GULP1: variants seen among roughly 807,000 people sequenced by gnomAD.
GULP1 encodes GULP PTB domain containing engulfment adaptor 1.
GULP1 carries 19 observed loss-of-function variants against 40.9 expected under a neutral mutation model. The observed-to-expected ratio is 0.46, with a 90% CI of 0.32 to 0.68. The LOEUF (loss-of-function observed/expected upper bound fraction) is 0.68. Ranked by LOEUF, GULP1 falls within the 30% of genes least tolerant of loss-of-function variation. GULP1 has a pLI of 0.03. For synonymous variants in GULP1, 119 were observed against 117.6 expected (o/e 1.01, Z -0.08); for missense variants, 312 against 362.2 (o/e 0.86, Z 1.12).
intron 2 of GULP1, among the ~76,000 whole-genome samples, chr2:188,390,800 G>A (rs1050365909): frequency 6.6e-6 from 1 of 151,906 alleles, no homozygotes; most frequent in Non-Finnish European, 1.5e-5. Flanking sequence ...AAAATAAGAT[G>A]AGAGATAGGG....
chr2:188,299,776 G>A (rs755384739), intron 1 of GULP1, among the ~76,000 whole-genome samples: 10 of 152,196 alleles, frequency 6.6e-5, no homozygotes, highest in Non-Finnish European at 1.2e-4. Context: ...GTGAAGGGAA[G>A]CAGTGTATGG....
intron 6 of GULP1, among the ~76,000 whole-genome samples, chr2:188,535,545 C>T (rs1438104595): frequency 6.6e-6 from 1 of 152,060 alleles, no homozygotes; most frequent in Non-Finnish European, 1.5e-5. Context: ...GCATGGTATT[C>T]TGTGGTACAT....
intron 2 of GULP1, among the ~76,000 whole-genome samples, chr2:188,412,971 C>G (rs72909590): frequency 0.012 from 1,859 of 152,010 alleles, 15 homozygotes; most frequent in East Asian, 0.022. Context: ...AAATAACTTA[C>G]CAAATCTATT....
chr2:188,429,179 T>C (rs755974618), intron 2 of GULP1, among the ~76,000 whole-genome samples: 2 of 152,136 alleles, frequency 1.3e-5, no homozygotes, highest in Non-Finnish European at 2.9e-5. Context: ...TTGAATTTGG[T>C]GTCAGATACC....
At chr2:188,444,090 C>T (rs1354944968) in intron 2 of GULP1, among the ~76,000 whole-genome samples, 2 of 152,108 alleles carry the variant, frequency 1.3e-5, no homozygotes, top group Non-Finnish European at 2.9e-5. Flanking sequence ...ACCTGCATCC[C>T]AGACTATTAC....
At chr2:188,375,809 A>T (rs1490261784) in intron 1 of GULP1, among the ~76,000 whole-genome samples, 2 of 152,146 alleles carry the variant, frequency 1.3e-5, no homozygotes, top group Admixed American at 6.5e-5. Flanking sequence ...AATATTTGGA[A>T]AAAATTCTGT....
chr2:188,433,775 C>A (rs1464807243), intron 2 of GULP1, among the ~76,000 whole-genome samples: 4 of 152,072 alleles, frequency 2.6e-5, no homozygotes, highest in African/African-American at 9.7e-5. Flanking sequence ...ATATGCATGA[C>A]CATGGCTTGT....
In GULP1 at chr2:188,448,450, C is replaced by T. The variant is rs144392139; in HGVS notation, c.-44-29209C>T. On this transcript the variant is annotated intron_variant, in intron 2 of 11. Transcript: ENST00000409830. The stretch of plus-strand genomic sequence containing the variant: ...CAAAATTATCTTCCTTTGGAAAACA[C>T]GTGATGAGAATTGAATTTTTATGGC... 2.3e-3 allele frequency among the ~76,000 whole-genome samples: 348 copies of T among 152,066 alleles called. 1 individual carries two copies. The highest frequency in any genetic ancestry group is 7.9e-3 in the African/African-American group (326 of 41,474).
intron 10 of GULP1, among the ~76,000 whole-genome samples, chr2:188,585,065 G>A (rs371495453): frequency 1.8e-4 from 28 of 152,280 alleles, no homozygotes; most frequent in African/African-American, 5.8e-4. Flanking sequence ...TTGGCAAAGC[G>A]AAGGAGCCAC....
chr2:188,431,421 A>C (rs1366273222), intron 2 of GULP1, among the ~76,000 whole-genome samples: 1 of 152,194 alleles, frequency 6.6e-6, no homozygotes, highest in Non-Finnish European at 1.5e-5. Flanking sequence ...AGTTGAAAGC[A>C]GCAGGGTATA....
At chr2:188,589,906 C>T (rs1703170592) in intron 11 of GULP1, 1 of 399,256 alleles carries the variant, frequency 2.5e-6, no homozygotes, top group African/African-American at 2.1e-5. Context: ...TTATAAACCA[C>T]ATTTTAAGAT....
intron 2 of GULP1, among the ~76,000 whole-genome samples, chr2:188,463,289 T>G (rs1158159355): frequency 6.6e-6 from 1 of 152,180 alleles, no homozygotes; most frequent in Non-Finnish European, 1.5e-5. Context: ...GCCATATACA[T>G]TCTAGGAAAA....
intron 1 of GULP1, among the ~76,000 whole-genome samples, chr2:188,331,772 A>G (rs1454186380): frequency 6.6e-6 from 1 of 152,182 alleles, no homozygotes; most frequent in Non-Finnish European, 1.5e-5. Context: ...AAATGGACAA[A>G]TTATACTTTT....
rs1702730213 is a variant in GULP1 at position 188,587,918 on chromosome 2, C to T, written c.812C>T (p.Pro271Leu). The stretch of plus-strand genomic sequence containing the variant: ...AACTGTGGAGCAGCAGATTTCCCTC[C>T]AGATATTCAATCAAAATTAGATGAG... ...PFNCGAADFP[P>L]DIQSKLDEMQ... Residue 271 changes from proline to leucine, a missense_variant, in exon 11 of 12, where the codon CCA becomes CTA. Pro to Leu is a moderately conservative substitution (Grantham distance 98). Transcript: ENST00000409830. 3 of 1,605,356 alleles carry T rather than the reference C, an allele frequency of 1.9e-6. No individual in the cohort carries two copies. Among genetic ancestry groups the T allele is most frequent in the Admixed American group, 1.7e-5 (1 of 59,986 alleles).
intron 1 of GULP1, among the ~76,000 whole-genome samples, chr2:188,371,752 A>T (rs556891823): frequency 2.4e-4 from 36 of 152,254 alleles, no homozygotes; most frequent in African/African-American, 5.5e-4. Flanking sequence ...ACAAGTTATT[A>T]TAATTTATTT....
In GULP1 at chr2:188,491,747, A is replaced by C. The variant is rs565775590; in HGVS notation, c.90+8255A>C. Among the ~76,000 whole-genome samples, 9 of 152,228 alleles carry C rather than the reference A, an allele frequency of 5.9e-5. No individual in the cohort carries two copies. The East Asian group carries it at 1.7e-3, about 29-fold the overall frequency. ...TCATGACATTCTTTCATTTTAAGAG[A>C]CATTTTAAAGGAAATAATGTCTCAG... On this transcript the variant is annotated intron_variant, in intron 4 of 11. Transcript: ENST00000409830.
intron 2 of GULP1, among the ~76,000 whole-genome samples, chr2:188,462,592 T>A (rs1476070012): frequency 6.6e-6 from 1 of 152,172 alleles, no homozygotes. Flanking sequence ...TATATCTGGG[T>A]GCTCCAGTGT....
Position 188,541,247 on chromosome 2 carries a change from A to G in GULP1, c.328A>G (p.Ile110Val). Residue 110 changes from isoleucine to valine, a missense_variant, in exon 7 of 12, where the codon ATA (isoleucine) becomes GTA (valine). By Grantham distance (29) the Ile-to-Val change is conservative (BLOSUM62 3). Transcript: ENST00000409830. ...FCADDKTDKRIFTFICKDSES... is the reference protein window; with the variant it reads ...FCADDKTDKRVFTFICKDSES... ...TGCAGATGATAAAACTGACAAGAGG[A>G]TATTCACTTTCATATGCAAAGATTC... 1 of 1,610,860 alleles carries G rather than the reference A, an allele frequency of 6.2e-7. No homozygotes were observed. The highest frequency in any genetic ancestry group is 8.5e-7 in the Non-Finnish European group (1 of 1,177,084).
rs571068008 is a variant in GULP1, at chr2:188,296,387, T to G, written c.-172+4221T>G. On this transcript the variant is annotated intron_variant, in intron 1 of 11. Transcript: ENST00000409830. ...CAGGCCCTTGTTATTTGCGAGTTTTTTGTTTGTTTTATGCCTAAGAAATGT... is the reference window on the plus strand; with the variant it reads ...CAGGCCCTTGTTATTTGCGAGTTTTGTGTTTGTTTTATGCCTAAGAAATGT... Among the ~76,000 whole-genome samples, 25 of 152,230 alleles carry G rather than the reference T, an allele frequency of 1.6e-4. No individual in the cohort carries two copies. In the South Asian group the frequency reaches 4.1e-3, roughly 25 times the overall value.
Sources: gnomAD v4.1 joint callset for allele counts (sites outside exome capture counted in the v4.1 genomes callset) on GRCh38, gnomAD v4.1.1 for gene constraint, MANE v1.5 for transcripts, NCBI Gene and HGNC (gene_info 2026-07-23, HGNC 2026-07-21) for gene names.